Variants in TYRO3 observed in about 807,000 individuals in gnomAD.
The protein encoded by TYRO3 is tyrosine-protein kinase receptor TYRO3.
A neutral mutation model predicts 95.2 loss-of-function variants in TYRO3; 38 were observed. The ratio of observed to expected loss-of-function variants is 0.40; its 90% CI spans 0.31 to 0.52. The LOEUF is 0.52. Among genes scored for constraint, TYRO3 ranks in the 20% least tolerant of loss-of-function variants. TYRO3 has a pLI of 0.56. For missense variants in TYRO3, 812 were observed against 1,116.4 expected (o/e 0.73, Z 3.89); for synonymous variants, 367 against 432.9 (o/e 0.85, Z 1.89).
rs74705194 is a variant in TYRO3 at position 41,562,387 on chromosome 15, C to T, written c.410-161C>T. On this transcript the variant is annotated intron_variant, in intron 3 of 18. Coordinates refer to ENST00000263798, the MANE Select transcript of TYRO3 (RefSeq NM_006293.4). ...AGGAGCCTGAAAAAGAGAAGCACCG[C>T]CTACCTCTCAAGCTAGATGCCTGTT... 1.0e-3 allele frequency: 568 copies of T among 548,872 alleles called. 2 individuals are homozygous for T. The highest frequency in any genetic ancestry group is 0.01 in the African/African-American group (514 of 51,194). 34.0% of individuals were successfully genotyped at this position (548,872 alleles called of 1,614,324 possible).
chr15:41,564,211 G>A lies in TYRO3; in HGVS notation c.608G>A (p.Cys203Tyr). Residue 203 changes from cysteine to tyrosine, a missense_variant, in exon 5 of 19, where the codon TGT (cysteine) becomes TAT (tyrosine). Coordinates refer to ENST00000263798, the MANE Select transcript of TYRO3 (RefSeq NM_006293.4). ...TGVTQSTMFS[C>Y]EAHNLKGLAS... ...GTGACCCAGAGCACCATGTTTTCCT[G>A]TGAAGCTCACAACCTAAAAGGCCTG... 1 of 1,614,160 alleles carries A rather than the reference G, an allele frequency of 6.2e-7. No homozygotes were observed. Among genetic ancestry groups the A allele is most frequent in the Non-Finnish European group, 8.5e-7 (1 of 1,180,028 alleles).
chr15:41,569,100 C>G (rs961941128), intron 9 of TYRO3, 78 bp downstream of exon 9: 2 of 1,532,692 alleles, frequency 1.3e-6, no homozygotes, highest in Non-Finnish European at 8.9e-7. Flanking sequence ...ATGGGAGGAG[C>G]CTAGTAGCAT....
At position 41,581,064 on chromosome 15, in the gene TYRO3, G is replaced by A. The variant is rs1387027033; in HGVS notation, c.*2788G>A. On this transcript the variant is annotated 3_prime_UTR_variant, in exon 19 of 19. Transcript: ENST00000263798. ...AGTTTAGCCAGGCTTGGTGGCGCAGGTTTGTCATCTCAGCTACTGGGTGAC... is the reference window on the plus strand; with the variant it reads ...AGTTTAGCCAGGCTTGGTGGCGCAGATTTGTCATCTCAGCTACTGGGTGAC... 2 of 153,256 alleles carry A rather than the reference G, an allele frequency of 1.3e-5. No homozygotes were observed. The highest frequency in any genetic ancestry group is 4.8e-5 in the African/African-American group (2 of 41,462). The allele number at this position is 153,256 out of a possible 1,614,324, so 9.5% of individuals were successfully genotyped here.
intron 4 of TYRO3, 50 bp from the exon 5 acceptor site, chr15:41,564,134 A>G (rs997712401): frequency 1.9e-6 from 3 of 1,540,484 alleles, no homozygotes; most frequent in African/African-American, 2.7e-5. Flanking sequence ...CCAGTCCCGC[A>G]CTGAGTGGGG....
chr15:41,572,593 A>T, intron 15 of TYRO3, 29 bp downstream of exon 15: 1 of 1,092,780 alleles, frequency 9.2e-7, no homozygotes, highest in Non-Finnish European at 1.3e-6. Flanking sequence ...GGTGGCCAGG[A>T]GGAAACGGGT....
At chr15:41,561,977 GGAGCTCA>G (rs1240726499) in intron 3 of TYRO3, 2 of 255,940 alleles carry the variant, frequency 7.8e-6, no homozygotes, top group Admixed American at 5.4e-5. Flanking sequence ...TGCAGCTGCG[GGAGCTCA>G]GAGCTGTTCA....
intron 7 of TYRO3, 90 bp downstream of exon 7, chr15:41,567,627 A>G: frequency 8.1e-7 from 1 of 1,227,772 alleles, no homozygotes; most frequent in East Asian, 2.7e-5. Context: ...GCTGGTAGAG[A>G]TGGAGGTTCA....
intron 18 of TYRO3, among the ~76,000 whole-genome samples, chr15:41,575,198 C>T (rs1405434853): frequency 6.6e-6 from 1 of 152,258 alleles, no homozygotes; most frequent in African/African-American, 2.4e-5. Flanking sequence ...TGCCCTGAGC[C>T]TGGGCTGTGG....
Position 41,564,249 on chromosome 15 carries a change from A to G in TYRO3, c.646A>G (p.Thr216Ala), listed in dbSNP as rs761457140. 1 of 1,613,936 alleles carries G rather than the reference A, an allele frequency of 6.2e-7. No individual in the cohort carries two copies. The highest frequency in any genetic ancestry group is 2.2e-5 in the East Asian group (1 of 44,878). Reference protein sequence around the residue: ...HNLKGLASSRTATVHLQALPA... With the variant: ...HNLKGLASSRAATVHLQALPA... ...CCTAAAAGGCCTGGCCTCTTCTCGC[A>G]CAGCCACTGTTCACCTTCAAGGTAG... is the stretch of plus-strand genomic sequence containing the variant. Residue 216 changes from threonine to alanine, a missense_variant, in exon 5 of 19, where the codon ACA (threonine) becomes GCA (alanine). Physicochemically the swap from Thr to Ala is moderately conservative, Grantham distance 58. Coordinates refer to ENST00000263798, the MANE Select transcript of TYRO3 (RefSeq NM_006293.4).
Position 41,572,487 on chromosome 15 carries a change from A to C in TYRO3, c.1798A>C (p.Met600Leu). The C allele has an allele frequency of 6.2e-7, 1 of 1,614,160 alleles. No individual in the cohort carries two copies. The highest frequency in any genetic ancestry group is 8.5e-7 in the Non-Finnish European group (1 of 1,180,030). The change falls in exon 15 of 19, where the codon ATG becomes CTG. Residue 600 changes from methionine to leucine, a missense_variant. By Grantham distance (15) the Met-to-Leu change is conservative. Coordinates refer to ENST00000263798, the MANE Select transcript of TYRO3 (RefSeq NM_006293.4). ...GGCTAAAGGCCGTCTCCCCATCCCCATGGTCATCTTGCCCTTCATGAAGCA... is the reference window on the plus strand; with the variant it reads ...GGCTAAAGGCCGTCTCCCCATCCCCCTGGTCATCTTGCCCTTCATGAAGCA... ...SRAKGRLPIPMVILPFMKHGD... is the reference protein window; with the variant it reads ...SRAKGRLPIPLVILPFMKHGD...
intron 6 of TYRO3, 71 bp downstream of exon 6, chr15:41,565,212 C>T: frequency 1.1e-6 from 1 of 951,698 alleles, no homozygotes; most frequent in Non-Finnish European, 1.7e-6. Flanking sequence ...GGATATCACA[C>T]TCACTAGCCA....
At chr15:41,576,487 C>A (rs1300548929) in intron 18 of TYRO3, among the ~76,000 whole-genome samples, 1 of 151,878 alleles carries the variant, frequency 6.6e-6, no homozygotes, top group Non-Finnish European at 1.5e-5. Context: ...GCCACCTTGC[C>A]CAACCAATTT....
intron 6 of TYRO3, among the ~76,000 whole-genome samples, chr15:41,565,729 G>A (rs1402158339): frequency 1.3e-5 from 2 of 151,588 alleles, no homozygotes; most frequent in Non-Finnish European, 2.9e-5. Flanking sequence ...ACACCCAGAC[G>A]AGTTTTTCTT....
At chr15:41,560,393 A>AGGTGTGTGTGTGTG (rs1555395685) in intron 1 of TYRO3, among the ~76,000 whole-genome samples, 1 of 120,448 alleles carries the variant, frequency 8.3e-6, no homozygotes, top group African/African-American at 3.2e-5. Flanking sequence ...AGGTGCGTGT[A>AGGTGTGTGTGTGTG]TGTGTGTGTG....
intron 1 of TYRO3, among the ~76,000 whole-genome samples, chr15:41,560,558 T>G (rs1382716054): frequency 6.6e-6 from 1 of 152,028 alleles, no homozygotes; most frequent in Non-Finnish European, 1.5e-5. Context: ...TTCCTAGCAC[T>G]CGCCCCTGCC....
At chr15:41,564,501 G>C (rs1476444876) in intron 5 of TYRO3, among the ~76,000 whole-genome samples, 2 of 152,208 alleles carry the variant, frequency 1.3e-5, no homozygotes, top group Non-Finnish European at 2.9e-5. Context: ...TCACGAAGCA[G>C]AGTCCTTGGG....
In TYRO3 at chr15:41,570,290, G is replaced by T; in HGVS notation, c.1433G>T (p.Arg478Leu). Residue 478 changes from arginine to leucine, a missense_variant, in exon 11 of 19, where the codon CGG becomes CTG. Physicochemically the swap from Arg to Leu is moderately radical, Grantham distance 102. Coordinates refer to ENST00000263798, the MANE Select transcript of TYRO3 (RefSeq NM_006293.4). ...CGGGGAGAGCCAGCCGTTCACTTCCGGGCAGCCCGGTCCTTCAATCGAGAA... is the reference window on the plus strand; with the variant it reads ...CGGGGAGAGCCAGCCGTTCACTTCCTGGCAGCCCGGTCCTTCAATCGAGAA... Reference protein sequence around the residue: ...MARGEPAVHFRAARSFNRERP... With the variant: ...MARGEPAVHFLAARSFNRERP... 1 of 1,614,134 alleles carries T rather than the reference G, an allele frequency of 6.2e-7. No individual in the cohort carries two copies. The highest frequency in any genetic ancestry group is 8.5e-7 in the Non-Finnish European group (1 of 1,180,038).
chr15:41,560,971 C>A (rs2055644978), intron 1 of TYRO3, among the ~76,000 whole-genome samples, 156 bp from the exon 2 acceptor site: 1 of 152,212 alleles, frequency 6.6e-6, no homozygotes, highest in African/African-American at 2.4e-5. Context: ...GGTCCAGCGA[C>A]CTTCCCTTCC....
In TYRO3 at chr15:41,579,375, C is replaced by G. The variant is rs934137456; in HGVS notation, c.*1099C>G. 4.0e-5 allele frequency: 6 copies of G among 148,958 alleles called. No individual in the cohort carries two copies. Among genetic ancestry groups the G allele is most frequent in the African/African-American group, 1.5e-4 (6 of 40,352 alleles). The allele number at this position is 148,958 out of a possible 1,614,324, so 9.2% of individuals were successfully genotyped here. ...TTTTTTTTTTTCTTTTTTTTTGAGA[C>G]AGTCTCACTGTGTTGCCCAGGCTGG... is the stretch of plus-strand genomic sequence containing the variant. On this transcript the variant is annotated 3_prime_UTR_variant, in exon 19 of 19. Transcript: ENST00000263798.
Sources: allele counts gnomAD v4.1 joint callset (sites outside exome capture counted in the v4.1 genomes callset), GRCh38; gene constraint gnomAD v4.1.1; transcripts MANE v1.5; gene names NCBI Gene and HGNC (gene_info 2026-07-23, HGNC 2026-07-21).